ASTN2: variants seen among roughly 807,000 people sequenced by gnomAD.
ASTN2 encodes astrotactin-2.
In ASTN2, 54 loss-of-function variants were observed where a neutral mutation model predicts 139.8. That is an observed-to-expected ratio of 0.39 (90% CI 0.31 to 0.48). The LOEUF is 0.48. Ranked by LOEUF, ASTN2 falls within the 20% of genes least tolerant of loss-of-function variation. The probability of loss-of-function intolerance (pLI) is 0.95; values close to 1 mark genes in which losing one functional copy is unlikely to be tolerated. For synonymous variants in ASTN2, 756 were observed against 719.5 expected (o/e 1.05, Z -0.81); for missense variants, 1,565 against 1,725.1 (o/e 0.91, Z 1.64).
At chr9:117,367,201 G>A (rs767398449) in intron 1 of ASTN2, among the ~76,000 whole-genome samples, 8 of 152,128 alleles carry the variant, frequency 5.3e-5, no homozygotes, top group Non-Finnish European at 8.8e-5. Context: ...CAACAGAAGT[G>A]AACTACAACA....
Position 116,893,099 on chromosome 9 carries a change from G to A in ASTN2, c.1890-29366C>T, listed in dbSNP as rs73655514. 2.4e-3 allele frequency among the ~76,000 whole-genome samples: 360 copies of A among 151,590 alleles called. 2 individuals carry two copies. Among genetic ancestry groups the A allele is most frequent in the African/African-American group, 8.2e-3 (340 of 41,278 alleles). The stretch of plus-strand genomic sequence containing the variant: ...TCCCATTAGAATGTAAATTACACAA[G>A]AGCATGAGTTTTTATCTGTTTTACT... On this transcript the variant is annotated intron_variant, in intron 10 of 22. Coordinates refer to ENST00000313400, the MANE Select transcript of ASTN2 (RefSeq NM_001365068.1).
At chr9:116,520,080 A>G (rs1252226379) in intron 19 of ASTN2, among the ~76,000 whole-genome samples, 2 of 152,120 alleles carry the variant, frequency 1.3e-5, no homozygotes, top group Non-Finnish European at 2.9e-5. Context: ...CAGACATTCA[A>G]AGAAGAATTG....
chr9:116,799,049 A>C (rs1830773000), intron 13 of ASTN2, among the ~76,000 whole-genome samples: 1 of 139,742 alleles, frequency 7.2e-6, no homozygotes, highest in South Asian at 2.4e-4. Flanking sequence ...ATAGGTCCAG[A>C]CACATAAAAA....
chr9:116,800,308 G>A (rs1399041506), intron 13 of ASTN2, among the ~76,000 whole-genome samples: 2 of 152,000 alleles, frequency 1.3e-5, no homozygotes, highest in East Asian at 3.9e-4. Flanking sequence ...CTCTGTTTTT[G>A]TCTCTTTCTC....
chr9:116,973,427 C>A (rs1018533302), intron 10 of ASTN2, among the ~76,000 whole-genome samples: 1 of 152,118 alleles, frequency 6.6e-6, no homozygotes. Context: ...ACAGTTCACA[C>A]TTGGTAGAGA....
At chr9:117,131,452 T>C (rs944978) in intron 4 of ASTN2, among the ~76,000 whole-genome samples, 150,988 of 152,316 alleles carry the variant, frequency 0.99, 74,853 homozygotes, top group East Asian at 1. Context: ...ATTTTCTTGA[T>C]GTATTTTGAA....
chr9:116,628,893 A>G (rs1856592426), intron 17 of ASTN2, among the ~76,000 whole-genome samples: 1 of 152,132 alleles, frequency 6.6e-6, no homozygotes, highest in Non-Finnish European at 1.5e-5. Flanking sequence ...GAGAAAGTCT[A>G]TTTGACTTCC....
intron 1 of ASTN2, among the ~76,000 whole-genome samples, chr9:117,367,496 T>C (rs1829875169): frequency 6.6e-6 from 1 of 152,128 alleles, no homozygotes; most frequent in African/African-American, 2.4e-5. Context: ...CTGGGGGTCA[T>C]GGTAAAGAGA....
chr9:117,054,523 G>A (rs1295847048), intron 5 of ASTN2, among the ~76,000 whole-genome samples: 2 of 152,222 alleles, frequency 1.3e-5, no homozygotes, highest in South Asian at 4.1e-4. Context: ...GCAGAGATCA[G>A]TGCAGAGCAG....
At chr9:117,106,501 A>T (rs1829108259) in intron 4 of ASTN2, among the ~76,000 whole-genome samples, 1 of 152,114 alleles carries the variant, frequency 6.6e-6, no homozygotes, top group Non-Finnish European at 1.5e-5. Flanking sequence ...ACCCAGCCCA[A>T]GCTACATATT....
chr9:117,180,630 T>C, intron 3 of ASTN2: 1 of 889,888 alleles, frequency 1.1e-6, no homozygotes, highest in Non-Finnish European at 1.5e-6. Context: ...GGAGTATCTT[T>C]TTTTTTTTTT....
At chr9:116,921,635 A>G (rs183857077) in intron 10 of ASTN2, among the ~76,000 whole-genome samples, 125 of 152,078 alleles carry the variant, frequency 8.2e-4, no homozygotes, top group African/African-American at 2.9e-3. Context: ...TAATTTATAA[A>G]CAAAGGAGGT....
At chr9:116,595,750 T>C (rs1268407246) in intron 19 of ASTN2, among the ~76,000 whole-genome samples, 2 of 152,116 alleles carry the variant, frequency 1.3e-5, no homozygotes, top group Non-Finnish European at 2.9e-5. Flanking sequence ...GGATACAGCA[T>C]GGAATGGGAC....
chr9:116,720,623 CCT>C lies in ASTN2; in HGVS notation c.2806+5146_2806+5147del, dbSNP rs565047136. The stretch of plus-strand genomic sequence containing the variant: ...TTCTTGCTCTAGCTCTCTGTCCCTC[CCT>C]CTCTCTCACACACACACACAGAATG... On this transcript the variant is annotated intron_variant, in intron 16 of 22. Transcript: ENST00000313400. 3.4e-4 allele frequency among the ~76,000 whole-genome samples: 51 copies of C among 150,130 alleles called. No homozygotes were observed. In the East Asian group the frequency reaches 9.3e-3, roughly 27 times the overall value.
At chr9:117,345,035 T>C (rs982999714) in intron 1 of ASTN2, among the ~76,000 whole-genome samples, 1 of 152,126 alleles carries the variant, frequency 6.6e-6, no homozygotes, top group Non-Finnish European at 1.5e-5. Flanking sequence ...CCCAGGAATC[T>C]AAGGAAGCCA....
intron 16 of ASTN2, among the ~76,000 whole-genome samples, chr9:116,679,855 C>G (rs1183260438): frequency 6.6e-6 from 1 of 152,166 alleles, no homozygotes. Context: ...ACCAGAATCT[C>G]TGGGACACAT....
chr9:116,911,071 G>C (rs1048764159), intron 10 of ASTN2, among the ~76,000 whole-genome samples: 1 of 152,150 alleles, frequency 6.6e-6, no homozygotes, highest in Non-Finnish European at 1.5e-5. Context: ...TTGTGATTCT[G>C]TGATTTTTAT....
At chr9:117,060,526 GAAGGAAGGAAAGAAAGAAAGAAAGAA>G (rs1839254291) in intron 5 of ASTN2, among the ~76,000 whole-genome samples, 1 of 131,876 alleles carries the variant, frequency 7.6e-6, no homozygotes, top group African/African-American at 3.1e-5. Context: ...AGGAAGGAAG[GAAGGAAGGAAAGAAAGAAAGAAAGAA>G]AAAGAAAGAA....
intron 2 of ASTN2, among the ~76,000 whole-genome samples, chr9:117,231,900 G>A (rs945617240): frequency 6.6e-6 from 1 of 152,104 alleles, no homozygotes; most frequent in Admixed American, 6.5e-5. Context: ...CGACCTAGAG[G>A]CTGCTGACTT....
Sources: allele counts gnomAD v4.1 joint callset (sites outside exome capture counted in the v4.1 genomes callset), GRCh38; gene constraint gnomAD v4.1.1; transcripts MANE v1.5; gene names NCBI Gene and HGNC (gene_info 2026-07-23, HGNC 2026-07-21).